Variants in AP1G1 observed in about 807,000 individuals in gnomAD.
The protein encoded by AP1G1 is adaptor related protein complex 1 subunit gamma 1.
Under a neutral mutation model 108.3 loss-of-function variants are expected in AP1G1, and 7 were observed. The observed-to-expected ratio is 0.06, with a 90% CI of 0.04 to 0.12. AP1G1 has a LOEUF of 0.12. Among genes scored for constraint, AP1G1 ranks in the 10% least tolerant of loss-of-function variants. The pLI, the probability that AP1G1 is intolerant of heterozygous loss-of-function variation, is 1.00. For synonymous variants in AP1G1, 379 were observed against 353.5 expected (o/e 1.07, Z -0.81); for missense variants, 756 against 1,010.7 (o/e 0.75, Z 3.42).
At chr16:71,744,441 C>G (rs1217785232) in intron 19 of AP1G1, among the ~76,000 whole-genome samples, 1 of 152,082 alleles carries the variant, frequency 6.6e-6, no homozygotes. Flanking sequence ...AGGTTAACAT[C>G]TCTCCACAAA....
chr16:71,769,686 T>A lies in AP1G1; in HGVS notation c.579A>T (p.Thr193=). Residue 193 remains threonine, a synonymous_variant, in exon 6 of 23, where the codon ACA becomes ACT. Coordinates refer to ENST00000299980, the MANE Select transcript of AP1G1 (RefSeq NM_001128.6). ...ACATTTCTGTGAGGAGGACTACAGA[T>A]GTGTGGAGGACACCTGAAAGAAAAG... ...LNEKNHGVLH[T]SVVLLTEMCE... 1.2e-6 allele frequency: 2 copies of A among 1,613,368 alleles called. No individual in the cohort carries two copies. Among genetic ancestry groups the A allele is most frequent in the Non-Finnish European group, 1.7e-6 (2 of 1,179,478 alleles).
intron 1 of AP1G1, among the ~76,000 whole-genome samples, chr16:71,793,740 A>T (rs1409084641): frequency 6.6e-6 from 1 of 152,142 alleles, no homozygotes; most frequent in African/African-American, 2.4e-5. Context: ...GCTGGAGTGC[A>T]GTGGTGCGAT....
At chr16:71,774,672 T>G in intron 2 of AP1G1, 80 bp from the exon 3 acceptor site, 1 of 1,432,722 alleles carries the variant, frequency 7.0e-7, no homozygotes, top group Non-Finnish European at 9.4e-7. Flanking sequence ...TAACCCAGAG[T>G]CCCCAGCTGG....
chr16:71,768,796 T>A (rs1167354707), intron 6 of AP1G1, among the ~76,000 whole-genome samples: 1 of 149,256 alleles, frequency 6.7e-6, no homozygotes, highest in Non-Finnish European at 1.5e-5. Context: ...GCACCTGCAG[T>A]CCCAGCTACT....
chr16:71,765,232 T>C (rs2031265814), intron 7 of AP1G1, among the ~76,000 whole-genome samples: 1 of 152,110 alleles, frequency 6.6e-6, no homozygotes. Context: ...CCCAGCTACT[T>C]GGGAAGATCA....
chr16:71,777,616 C>G (rs1219553948), intron 2 of AP1G1: 1 of 430,090 alleles, frequency 2.3e-6, no homozygotes, highest in Admixed American at 2.6e-5. Flanking sequence ...TGCCGATGCC[C>G]CATTCTGTCT....
intron 2 of AP1G1, among the ~76,000 whole-genome samples, chr16:71,780,670 G>C (rs901862020): frequency 1.3e-5 from 2 of 151,646 alleles, no homozygotes; most frequent in African/African-American, 4.9e-5. Flanking sequence ...TTGCTCTATC[G>C]CCCAAGCTGA....
intron 4 of AP1G1, among the ~76,000 whole-genome samples, chr16:71,771,917 T>C (rs2031586521): frequency 6.6e-6 from 1 of 152,096 alleles, no homozygotes; most frequent in Non-Finnish European, 1.5e-5. Flanking sequence ...ATTTGAAAAA[T>C]ACTTAGTCTC....
At position 71,729,212 on chromosome 16, in the gene AP1G1, C is replaced by T. The variant is rs1327882416; in HGVS notation, c.*3846G>A. On this transcript the variant is annotated 3_prime_UTR_variant, in exon 23 of 23. Transcript: ENST00000299980. Reference sequence around the variant, plus strand: ...TCTGCAATAATTAGAGCTTCATTAGCTGTCCCACTTGGAAACAGCTTTTTA... The same window carrying T: ...TCTGCAATAATTAGAGCTTCATTAGTTGTCCCACTTGGAAACAGCTTTTTA... 6.6e-6 allele frequency: 1 copy of T among 152,124 alleles called. No homozygotes were observed. The highest frequency in any genetic ancestry group is 1.5e-5 in the Non-Finnish European group (1 of 67,974). 9.4% of individuals were successfully genotyped at this position (152,124 alleles called of 1,614,324 possible). A position where few individuals can be genotyped will look rare whatever the true frequency, so the allele number is the denominator to read the frequency against.
Position 71,745,067 on chromosome 16 carries a change from A to C in AP1G1, c.1999+77T>G, listed in dbSNP as rs1009852149. ...CATCTTCAAATGATTCACGTGCTGG[A>C]AAGTCTGGGTTCAGTTTAGTTTTTC... On this transcript the variant is annotated intron_variant, in intron 19 of 22. Transcript: ENST00000299980. The C allele has an allele frequency of 8.5e-6, 13 of 1,525,040 alleles. No homozygotes were observed. In the African/African-American group the frequency reaches 1.4e-4, roughly 16 times the overall value. The allele number at this position is 1,525,040 out of a possible 1,614,324, so 94.5% of individuals were successfully genotyped here.
At chr16:71,802,358 C>A (rs2032832579) in intron 1 of AP1G1, among the ~76,000 whole-genome samples, 2 of 152,110 alleles carry the variant, frequency 1.3e-5, no homozygotes, top group Admixed American at 1.3e-4. Context: ...CCTTGAACTC[C>A]TGGGTTCAAG....
chr16:71,782,547 C>T (rs1003801017), intron 2 of AP1G1, among the ~76,000 whole-genome samples: 1 of 151,688 alleles, frequency 6.6e-6, no homozygotes, highest in Non-Finnish European at 1.5e-5. Context: ...AGTGCAGTGG[C>T]GCAGTCTTGG....
intron 7 of AP1G1, 134 bp downstream of exon 7, chr16:71,765,355 G>A (rs1359342821): frequency 1.7e-6 from 1 of 595,526 alleles, no homozygotes; most frequent in African/African-American, 1.9e-5. Context: ...ATAGAATTGT[G>A]TCACTATTCA....
intron 21 of AP1G1, among the ~76,000 whole-genome samples, chr16:71,736,553 T>TATTG (rs1182897957): frequency 9.6e-5 from 3 of 31,092 alleles, no homozygotes; most frequent in Non-Finnish European, 2.3e-4. Flanking sequence ...GCTAATTTAT[T>TATTG]ATTTATTTAT....
intron 16 of AP1G1, 65 bp downstream of exon 16, chr16:71,748,186 T>C (rs1418840324): frequency 1.3e-6 from 2 of 1,546,894 alleles, no homozygotes; most frequent in Admixed American, 4.3e-5. Flanking sequence ...AACAAGTTTT[T>C]TGGGATTTTT....
chr16:71,752,168 A>G (rs1328633074), intron 13 of AP1G1, among the ~76,000 whole-genome samples: 1 of 152,198 alleles, frequency 6.6e-6, no homozygotes, highest in Non-Finnish European at 1.5e-5. Context: ...TCAGTTAGAA[A>G]AATAAAATCA....
At chr16:71,735,335 T>TG (rs1323149670) in intron 21 of AP1G1, among the ~76,000 whole-genome samples, 1 of 152,316 alleles carries the variant, frequency 6.6e-6, no homozygotes, top group East Asian at 1.9e-4. Flanking sequence ...TGTTGAATGC[T>TG]GGTGGGGTTT....
intron 13 of AP1G1, among the ~76,000 whole-genome samples, chr16:71,751,532 A>G (rs1207715800): frequency 1.3e-5 from 2 of 151,962 alleles, no homozygotes; most frequent in Non-Finnish European, 2.9e-5. Flanking sequence ...GTTAAGAAAC[A>G]CAAAGACAGA....
chr16:71,792,722 C>T (rs773367278), intron 1 of AP1G1, among the ~76,000 whole-genome samples: 2 of 152,024 alleles, frequency 1.3e-5, no homozygotes, highest in African/African-American at 4.8e-5. Context: ...GGCGTGGTGG[C>T]GCACACCTGT....
Sources: gnomAD v4.1 joint callset for allele counts (sites outside exome capture counted in the v4.1 genomes callset) on GRCh38, gnomAD v4.1.1 for gene constraint, MANE v1.5 for transcripts, NCBI Gene and HGNC (gene_info 2026-07-23, HGNC 2026-07-21) for gene names.